DIPK1C: variants seen among roughly 807,000 people sequenced by gnomAD.
The protein encoded by DIPK1C is divergent protein kinase domain 1C.
In DIPK1C, 33 loss-of-function variants were observed where a neutral mutation model predicts 28.0. The ratio of observed to expected loss-of-function variants is 1.18; its 90% CI spans 0.89 to 1.58. The LOEUF (loss-of-function observed/expected upper bound fraction) is 1.58. Ranked by LOEUF, DIPK1C falls within the 40% of genes most tolerant of loss-of-function variation. The pLI, the probability that DIPK1C is intolerant of heterozygous loss-of-function variation, is 0.00. For synonymous variants in DIPK1C, 255 were observed against 248.8 expected (o/e 1.02, Z -0.23); for missense variants, 569 against 568.5 (o/e 1.00, Z -0.01).
chr18:74,460,480 A>G (rs962099500), upstream of DIPK1C, among the ~76,000 whole-genome samples: 1 of 152,184 alleles, frequency 6.6e-6, no homozygotes, highest in Non-Finnish European at 1.5e-5. Context: ...ATTGCAGGTG[A>G]TTTTTATTTT....
In DIPK1C at chr18:74,447,011, G is replaced by A. The variant is rs879647265; in HGVS notation, c.471C>T (p.Ser157=). ...TGTTGGACAACTCCAGGCCCAGAGC[G>A]CTCTTGACCTCCCCAGCCACCATCA... The part of the protein sequence containing the change: ...LLLMVAGEVK[S]ALGLELSNSS... The change falls in exon 2 of 4, where the codon AGC becomes AGT. Residue 157 remains serine, a synonymous_variant. Transcript: ENST00000343998. This position sits in a 1 kb window ranked among gnomAD's most constrained non-coding sequence, Gnocchi z 4.1. The A allele has an allele frequency of 3.7e-5, 57 of 1,541,064 alleles. No homozygotes were observed. Among genetic ancestry groups the A allele is most frequent in the Non-Finnish European group, 4.6e-5 (52 of 1,140,558 alleles).
At chr18:74,464,419 A>G in the DIPK1C span, among the ~76,000 whole-genome samples, 1 of 152,146 alleles carries the variant, frequency 6.6e-6, no homozygotes, top group Non-Finnish European at 1.5e-5. Context: ...AGGTACAGAG[A>G]TTTTCTATCT....
chr18:74,443,071 G>T (rs1388999216), intron 2 of DIPK1C, among the ~76,000 whole-genome samples: 40 of 152,180 alleles, frequency 2.6e-4, no homozygotes, highest in Non-Finnish European at 4.4e-5. Context: ...TATCGAATTA[G>T]GACTGATACG....
Position 74,448,323 on chromosome 18 carries a change from C to A in DIPK1C, c.199-1040G>T, listed in dbSNP as rs574710355. 6.4e-4 allele frequency among the ~76,000 whole-genome samples: 98 copies of A among 152,300 alleles called. 1 individual carries two copies. The South Asian group carries it at 0.02, about 31-fold the overall frequency. On this transcript the variant is annotated intron_variant, in intron 1 of 3. Transcript: ENST00000343998. ...AGCAAATAAAGGCCGCTCTTCCTTCCAGGAACTTCTATAGCACATGAAACA... is the reference window on the plus strand; with the variant it reads ...AGCAAATAAAGGCCGCTCTTCCTTCAAGGAACTTCTATAGCACATGAAACA...
chr18:74,459,675 CTA>C (rs1049635834), upstream of DIPK1C, among the ~76,000 whole-genome samples: 75 of 152,298 alleles, frequency 4.9e-4, no homozygotes, highest in African/African-American at 1.8e-3. Flanking sequence ...TGGAAGTAAC[CTA>C]CTGTGTGCCA....
chr18:74,452,461 G>T (rs193225324), intron 1 of DIPK1C, among the ~76,000 whole-genome samples: 2 of 151,894 alleles, frequency 1.3e-5, no homozygotes, highest in Admixed American at 6.6e-5. Flanking sequence ...AATTTTCATC[G>T]GGCCAGGCAC....
rs1350823925 is a variant in DIPK1C, at chr18:74,446,937, C to A, written c.545G>T (p.Gly182Val). Reference protein sequence around the residue: ...WPGRRGPRWRGQLASLWALLQ... With the variant: ...WPGRRGPRWRVQLASLWALLQ... ...CAGGGCCCACAGGCTGGCCAGCTGT[C>A]CCCGCCAGCGTGGGCCCCGCCTGCC... Residue 182 changes from glycine to valine, a missense_variant, in exon 2 of 4, where the codon GGA (glycine) becomes GTA (valine). Gly to Val is a moderately radical substitution (Grantham distance 109, BLOSUM62 -3). Transcript: ENST00000343998. 5 of 1,502,404 alleles carry A rather than the reference C, an allele frequency of 3.3e-6. No homozygotes were observed. Among genetic ancestry groups the A allele is most frequent in the Non-Finnish European group, 4.5e-6 (5 of 1,120,694 alleles). The allele number at this position is 1,502,404 out of a possible 1,614,324, so 93.1% of individuals were successfully genotyped here. A position where few individuals can be genotyped will look rare whatever the true frequency, so the allele number is the denominator to read the frequency against.
rs1408968952 is a variant in DIPK1C, at chr18:74,447,147, G to A, written c.335C>T (p.Pro112Leu). 6.4e-7 allele frequency: 1 copy of A among 1,550,538 alleles called. No homozygotes were observed. The highest frequency in any genetic ancestry group is 2.4e-5 in the East Asian group (1 of 40,916). The change falls in exon 2 of 4, where the codon CCC becomes CTC. Residue 112 changes from proline to leucine, a missense_variant. Pro to Leu is a moderately conservative substitution (Grantham distance 98). Coordinates refer to ENST00000343998, the MANE Select transcript of DIPK1C (RefSeq NM_001044369.3). The surrounding 1 kb of genome is among the most constrained non-coding windows in gnomAD (Gnocchi z 4.1). ...CTCCTCCTTGGACTTGAGGACCACG[G>A]GCCGGCCGCGCCAGTCGGCCTGCAG... is the stretch of plus-strand genomic sequence containing the variant. ...KVLQADWRGR[P>L]VVLKSKEEAF...
At chr18:74,451,917 AT>A (rs1327256566) in intron 1 of DIPK1C, among the ~76,000 whole-genome samples, 1 of 152,212 alleles carries the variant, frequency 6.6e-6, no homozygotes, top group Non-Finnish European at 1.5e-5. Context: ...TAAGTTGAAA[AT>A]GCGTTTCATA....
Position 74,435,967 on chromosome 18 carries a change from ACACT to A in DIPK1C, c.*530_*533del, listed in dbSNP as rs1277929767. On this transcript the variant is annotated 3_prime_UTR_variant, in exon 4 of 4. Coordinates refer to ENST00000343998, the MANE Select transcript of DIPK1C (RefSeq NM_001044369.3). ...CACTCATTCACACTCATACATATTC[ACACT>A]CAGGCATACTCATACTCCTCATGAG... is the stretch of plus-strand genomic sequence containing the variant. The A allele has an allele frequency of 6.1e-6, 1 of 163,648 alleles. No homozygotes were observed. The highest frequency in any genetic ancestry group is 5.7e-5 in the Admixed American group (1 of 17,516). The allele number at this position is 163,648 out of a possible 1,614,324, so 10.1% of individuals were successfully genotyped here. A position where few individuals can be genotyped will look rare whatever the true frequency, so the allele number is the denominator to read the frequency against.
chr18:74,461,312 CT>C (rs1479815388), upstream of DIPK1C, among the ~76,000 whole-genome samples: 3 of 151,650 alleles, frequency 2.0e-5, no homozygotes, highest in African/African-American at 4.9e-5. Flanking sequence ...CCTCTCTTTT[CT>C]TTTTTTCTTT....
At position 74,447,006 on chromosome 18, in the gene DIPK1C, A is replaced by G; in HGVS notation, c.476T>C (p.Leu159Pro). 1 of 1,539,236 alleles carries G rather than the reference A, an allele frequency of 6.5e-7. No homozygotes were observed. Among genetic ancestry groups the G allele is most frequent in the Non-Finnish European group, 8.8e-7 (1 of 1,139,334 alleles). ...LMVAGEVKSA[L>P]GLELSNSSLG... is the part of the protein sequence containing the mutation. ...GCTGCTGTTGGACAACTCCAGGCCC[A>G]GAGCGCTCTTGACCTCCCCAGCCAC... Residue 159 changes from leucine (L) to proline (P), a missense_variant, in exon 2 of 4, where the codon CTG (leucine) becomes CCG (proline). Physicochemically the swap from Leu to Pro is moderately conservative, Grantham distance 98 (BLOSUM62 -3). Coordinates refer to ENST00000343998, the MANE Select transcript of DIPK1C (RefSeq NM_001044369.3). This position sits in a 1 kb window ranked among gnomAD's most constrained non-coding sequence, Gnocchi z 4.1.
At chr18:74,441,893 G>A in intron 3 of DIPK1C, 59 bp downstream of exon 3, 1 of 1,555,444 alleles carries the variant, frequency 6.4e-7, no homozygotes, top group Non-Finnish European at 8.8e-7. Flanking sequence ...TGAAGAGCTA[G>A]CGGGCAGAAA....
At chr18:74,452,799 G>GTTTT (rs67922821) in intron 1 of DIPK1C, among the ~76,000 whole-genome samples, 6 of 151,182 alleles carry the variant, frequency 4.0e-5, no homozygotes, top group Non-Finnish European at 8.9e-5. Context: ...AAATAGCTGG[G>GTTTT]TTTTTTTTTA....
intron 3 of DIPK1C, among the ~76,000 whole-genome samples, chr18:74,439,172 T>A (rs551447947): frequency 4.6e-5 from 7 of 152,186 alleles, no homozygotes; most frequent in Non-Finnish European, 7.3e-5. Flanking sequence ...TAGGCTTTGT[T>A]CATACTTACA....
chr18:74,458,496 C>T (rs1379234889), upstream of DIPK1C, among the ~76,000 whole-genome samples: 1 of 151,842 alleles, frequency 6.6e-6, no homozygotes, highest in East Asian at 1.9e-4. Flanking sequence ...ATGGCTGGCT[C>T]GGTGGTAGGA....
chr18:74,439,511 G>A (rs1233946154), intron 3 of DIPK1C, among the ~76,000 whole-genome samples: 1 of 152,130 alleles, frequency 6.6e-6, no homozygotes, highest in African/African-American at 2.4e-5. Flanking sequence ...GGGGTAATTT[G>A]GGTTCAAAAT....
rs761432761 is a variant in DIPK1C, at chr18:74,446,588, C to T, written c.876+18G>A. On this transcript the variant is annotated intron_variant, in intron 2 of 3. Transcript: ENST00000343998. Reference sequence around the variant, plus strand: ...GCTCCGTTCTCTGCACATAAACACACCGACCTGCGCCACTTACTGTGAAGT... The same window carrying T: ...GCTCCGTTCTCTGCACATAAACACATCGACCTGCGCCACTTACTGTGAAGT... 4.2e-6 allele frequency: 6 copies of T among 1,438,300 alleles called. No homozygotes were observed. The highest frequency in any genetic ancestry group is 5.5e-6 in the Non-Finnish European group (6 of 1,090,250). 89.1% of individuals were successfully genotyped at this position (1,438,300 alleles called of 1,614,324 possible). A position where few individuals can be genotyped will look rare whatever the true frequency, so the allele number is the denominator to read the frequency against.
chr18:74,449,952 C>T (rs1187067544), intron 1 of DIPK1C, among the ~76,000 whole-genome samples: 1 of 152,152 alleles, frequency 6.6e-6, no homozygotes, highest in East Asian at 1.9e-4. Flanking sequence ...ACCCTTTGCG[C>T]CCAGCATGCT....
Sources: gnomAD v4.1 joint callset for allele counts (sites outside exome capture counted in the v4.1 genomes callset) on GRCh38, gnomAD v4.1.1 for gene constraint, Gnocchi (gnomAD v3.1) non-coding constraint, MANE v1.5 for transcripts, NCBI Gene and HGNC (gene_info 2026-07-23, HGNC 2026-07-21) for gene names.